USP6: variants seen among roughly 807,000 people sequenced by gnomAD.
USP6 encodes the protein ubiquitin carboxyl-terminal hydrolase 6.
USP6 carries 128 observed loss-of-function variants against 175.7 expected under a neutral mutation model. That is an observed-to-expected ratio of 0.73 (90% CI 0.63 to 0.84). The LOEUF (loss-of-function observed/expected upper bound fraction) is 0.84, where lower values mean the gene tolerates loss of function less well. Among genes scored for constraint, USP6 ranks in the 40% least tolerant of loss-of-function variants. USP6 has a pLI of 0.00. For synonymous variants in USP6, 562 were observed against 630.6 expected, an observed-to-expected ratio of 0.89 and a Z score of 1.63; for missense variants, 1,498 against 1,760.3, an observed-to-expected ratio of 0.85 and a Z score of 2.67.
intron 18 of USP6, 142 bp downstream of exon 18, chr17:5,136,876 G>C: frequency 7.2e-7 from 1 of 1,387,340 alleles, no homozygotes; most frequent in Non-Finnish European, 1.0e-6. Flanking sequence ...GGTTCTCCAT[G>C]GGCTGGGAGT....
rs779990819 is a variant in USP6 at position 5,135,818 on chromosome 17, A to G, written c.554A>G (p.Tyr185Cys). 9 of 1,598,012 alleles carry G rather than the reference A, an allele frequency of 5.6e-6. No homozygotes were observed. The highest frequency in any genetic ancestry group is 2.2e-5 in the South Asian group (2 of 90,986). ...AYSEYNPEVG[Y>C]CRDLSHITAL... ...CTCTGGCTCTTGCAGGAGGTGGGCT[A>G]CTGCAGGGACCTGAGCCACATCACC... The change falls in exon 17 of 38, where the codon TAC becomes TGC. Residue 185 changes from tyrosine (Y) to cysteine (C), a missense_variant. Tyr to Cys is a radical substitution (Grantham distance 194). Around this residue, in one of 2 missense-constraint regions of USP6, gnomAD observed 281 missense variants for 259.6 expected, o/e 1.08. Coordinates refer to ENST00000574788, the MANE Select transcript of USP6 (RefSeq NM_001304284.2).
At chr17:5,138,716 G>A (rs978077918) in intron 21 of USP6, among the ~76,000 whole-genome samples, 1 of 152,202 alleles carries the variant, frequency 6.6e-6, no homozygotes, top group African/African-American at 2.4e-5. Context: ...CAAGGGAATC[G>A]GGTGTCCCTG....
rs1206382675 is a variant in USP6, at chr17:5,137,696, G to C, written c.871G>C (p.Glu291Gln). Residue 291 changes from glutamate to glutamine, a missense_variant, in exon 20 of 38, where the codon GAA (glutamate) becomes CAA (glutamine). Physicochemically the swap from Glu to Gln is conservative, Grantham distance 29 (BLOSUM62 2). Transcript: ENST00000574788. ...TLRLWDVYLV[E>Q]GEQVLMPITS... ...GCGCCTGTGGGACGTGTATTTGGTG[G>C]AAGGAGAACAGGTGTTGATGCCAAT... 6.2e-7 allele frequency: 1 copy of C among 1,608,772 alleles called. No individual in the cohort carries two copies. The highest frequency in any genetic ancestry group is 1.1e-5 in the South Asian group (1 of 91,042).
chr17:5,172,480 G>A (rs536007068), intron 37 of USP6, among the ~76,000 whole-genome samples: 2 of 152,282 alleles, frequency 1.3e-5, no homozygotes, highest in African/African-American at 2.4e-5. Flanking sequence ...GCAGTGAGCT[G>A]AGATTGCACC....
intron 7 of USP6, 115 bp downstream of exon 7, chr17:5,127,754 T>A (rs2072936945): frequency 6.6e-6 from 1 of 152,200 alleles, no homozygotes; most frequent in Non-Finnish European, 1.5e-5. Context: ...AGTATTTACA[T>A]ATAAGCTATG....
chr17:5,136,155 G>A (rs1414890377), intron 17 of USP6, among the ~76,000 whole-genome samples: 2 of 152,154 alleles, frequency 1.3e-5, no homozygotes, highest in Non-Finnish European at 1.5e-5. Flanking sequence ...CCTCCCCATG[G>A]CCACCCTCTG....
chr17:5,136,547 T>A, intron 17 of USP6, 93 bp from the exon 18 acceptor site: 1 of 1,488,368 alleles, frequency 6.7e-7, no homozygotes, highest in Non-Finnish European at 9.3e-7. Flanking sequence ...GCCTTGGGGT[T>A]TGGGGGCCTC....
In USP6 at chr17:5,129,857, G is replaced by A. The variant is rs139519364; in HGVS notation, c.-155-79G>A. 1.9e-3 allele frequency: 329 copies of A among 171,214 alleles called. 1 individual carries two copies. The highest frequency in any genetic ancestry group is 7.1e-3 in the African/African-American group (299 of 41,954). The allele number at this position is 171,214 out of a possible 1,614,324, so 10.6% of individuals were successfully genotyped here. A position where few individuals can be genotyped will look rare whatever the true frequency, so the allele number is the denominator to read the frequency against. ...TGTTATTGCTAAAGCAGCTTCACTG[G>A]TTAGACTGAAGGGCCATGGTAGCCC... On this transcript the variant is annotated intron_variant, in intron 8 of 37. Transcript: ENST00000574788.
At position 5,137,455 on chromosome 17, in the gene USP6, A is replaced by G. The variant is rs1256291811; in HGVS notation, c.826-196A>G. Among the ~76,000 whole-genome samples the G allele has an allele frequency of 5.9e-5, 9 of 152,288 alleles. No homozygotes were observed. In the South Asian group the frequency reaches 8.3e-4, roughly 14 times the overall value. On this transcript the variant is annotated intron_variant, in intron 19 of 37. Coordinates refer to ENST00000574788, the MANE Select transcript of USP6 (RefSeq NM_001304284.2). ...CCCTGGGCAAGCCCCTCTCTCCAGG[A>G]GCCACATACCCACTCAAATGAGTAC... is the stretch of plus-strand genomic sequence containing the variant.
rs773459780 is a variant in USP6 at position 5,133,926 on chromosome 17, C to T, written c.424C>T (p.His142Tyr). 21 of 1,614,194 alleles carry T rather than the reference C, an allele frequency of 1.3e-5. No individual in the cohort carries two copies. The highest frequency in any genetic ancestry group is 7.7e-5 in the South Asian group (7 of 91,078). Residue 142 changes from histidine to tyrosine, a missense_variant, in exon 15 of 38, where the codon CAC becomes TAC. His to Tyr is a moderately conservative substitution (Grantham distance 83). This residue lies in a region of USP6 where 281 missense variants were observed against 259.6 expected (regional missense o/e 1.08). Transcript: ENST00000574788. ...GGGCAAGAGGTCATCTGAACACATC[C>T]ACCACATCGACCTGGACGTGAGGAC... ...ERGKRSSEHI[H>Y]HIDLDVRTTL...
intron 30 of USP6, 38 bp from the exon 31 acceptor site, chr17:5,155,384 C>G (rs773573713): frequency 3.1e-6 from 5 of 1,605,056 alleles, no homozygotes; most frequent in Non-Finnish European, 4.3e-6. Flanking sequence ...AATCAGAGGC[C>G]TGTCTTCTCA....
chr17:5,170,134 AT>A (rs142787086), intron 35 of USP6, among the ~76,000 whole-genome samples: 9,579 of 152,248 alleles, frequency 0.063, 1,019 homozygotes, highest in African/African-American at 0.22. Flanking sequence ...TTTTTGTCTA[AT>A]TTTACAAAGG....
intron 37 of USP6, 54 bp downstream of exon 37, chr17:5,171,733 C>G: frequency 1.3e-6 from 2 of 1,552,060 alleles, no homozygotes; most frequent in East Asian, 4.5e-5. Context: ...AACTGGGGAA[C>G]ATTTGTTGAA....
chr17:5,162,875 C>G lies in USP6; in HGVS notation c.2916-9C>G, dbSNP rs772097636. 2 of 1,590,218 alleles carry G rather than the reference C, an allele frequency of 1.3e-6. No individual in the cohort carries two copies. Among genetic ancestry groups the G allele is most frequent in the Admixed American group, 1.9e-5 (1 of 52,340 alleles). On this transcript the variant is annotated splice_polypyrimidine_tract_variant and intron_variant, in intron 32 of 37. Coordinates refer to ENST00000574788, the MANE Select transcript of USP6 (RefSeq NM_001304284.2). ...TTTCTTCCTCTGTGGATCTTTCCCC[C>G]CTTTTTAGATTTTGCAGAGGCTGTA...
chr17:5,150,918 C>T (rs1480118109), intron 30 of USP6, among the ~76,000 whole-genome samples: 1 of 152,076 alleles, frequency 6.6e-6, no homozygotes, highest in Non-Finnish European at 1.5e-5. Context: ...CTGGTGGCTC[C>T]AGGCATTCTT....
rs753456720 is a variant in USP6 at position 5,135,218 on chromosome 17, T to G, written c.495-16T>G. On this transcript the variant is annotated splice_polypyrimidine_tract_variant and intron_variant, in intron 15 of 37. Transcript: ENST00000574788. ...CTGCACAAACCAAACCATAGCCCCC[T>G]TTCTGTGTTTCCTAGGCAGAGGGAA... The G allele has an allele frequency of 1.2e-6, 2 of 1,612,024 alleles. No homozygotes were observed. The highest frequency in any genetic ancestry group is 1.7e-6 in the Non-Finnish European group (2 of 1,178,508).
At chr17:5,122,810 G>A (rs998100926) in intron 4 of USP6, among the ~76,000 whole-genome samples, 5 of 152,236 alleles carry the variant, frequency 3.3e-5, no homozygotes, top group African/African-American at 1.2e-4. Context: ...CGGTGGGTAG[G>A]GCGCGGAGAG....
intron 9 of USP6, 47 bp from the exon 10 acceptor site, chr17:5,130,320 C>T (rs756012109): frequency 4.3e-5 from 69 of 1,602,698 alleles, no homozygotes; most frequent in Non-Finnish European, 4.7e-5. Flanking sequence ...AGGTGTTCTC[C>T]GAAGCTGTCG....
At position 5,161,733 on chromosome 17, in the gene USP6, T is replaced by C. The variant is rs1428530160; in HGVS notation, c.2915+119T>C. ...TGAATAATGAGAAACTTAAGAACTG[T>C]GGCTGGGCACCATGGCTCAGGCCTG... On this transcript the variant is annotated intron_variant, in intron 32 of 37. Coordinates refer to ENST00000574788, the MANE Select transcript of USP6 (RefSeq NM_001304284.2). 8 of 1,186,312 alleles carry C rather than the reference T, an allele frequency of 6.7e-6. No homozygotes were observed. In the Admixed American group the frequency reaches 1.8e-4, roughly 27 times the overall value. The allele number at this position is 1,186,312 out of a possible 1,614,324, so 73.5% of individuals were successfully genotyped here.
Sources: gnomAD v4.1 joint callset for allele counts (sites outside exome capture counted in the v4.1 genomes callset) on GRCh38, gnomAD v4.1.1 for gene constraint, gnomAD v4.1.1 regional missense constraint, MANE v1.5 for transcripts, NCBI Gene and HGNC (gene_info 2026-07-23, HGNC 2026-07-21) for gene names.